The following ZNF521 variants were observed in gnomAD, a reference collection of about 807,000 sequenced individuals.
The protein encoded by ZNF521 is LYST-interacting protein 3.
A neutral mutation model predicts 105.5 loss-of-function variants in ZNF521; 14 were observed. That is an observed-to-expected ratio of 0.13 (90% confidence interval 0.09 to 0.21). The LOEUF (loss-of-function observed/expected upper bound fraction) is 0.21. Among genes scored for constraint, ZNF521 ranks in the 10% least tolerant of loss-of-function variants. The pLI, the probability that ZNF521 is intolerant of heterozygous loss-of-function variation, is 1.00. For synonymous variants in ZNF521, 635 were observed against 606.0 expected, an observed-to-expected ratio of 1.05 and a Z score of -0.70; for missense variants, 1,233 against 1,629.7, an observed-to-expected ratio of 0.76 and a Z score of 4.19.
intron 2 of ZNF521, among the ~76,000 whole-genome samples, chr18:25,331,151 T>C (rs1029915509): frequency 3.9e-5 from 6 of 152,204 alleles, no homozygotes; most frequent in Non-Finnish European, 8.8e-5. Flanking sequence ...TCTAACTTCC[T>C]GCAAAAAGAA....
intron 5 of ZNF521, among the ~76,000 whole-genome samples, chr18:25,140,661 G>A (rs1217067078): frequency 6.6e-6 from 1 of 152,176 alleles, no homozygotes; most frequent in African/African-American, 2.4e-5. Flanking sequence ...GAGACAGAGG[G>A]GAGAAGGCCA....
chr18:25,243,869 G>C (rs1464950373), intron 3 of ZNF521, among the ~76,000 whole-genome samples: 9 of 152,150 alleles, frequency 5.9e-5, no homozygotes, highest in East Asian at 1.9e-4. Flanking sequence ...ATGTTTTTTG[G>C]GGGGAGGGGT....
intron 3 of ZNF521, among the ~76,000 whole-genome samples, chr18:25,234,409 C>G (rs1351554481): frequency 6.6e-6 from 1 of 152,118 alleles, no homozygotes. Context: ...GACCTCATAC[C>G]ACAAAGAATT....
intron 5 of ZNF521, among the ~76,000 whole-genome samples, chr18:25,194,929 T>C (rs1378633438): frequency 6.6e-6 from 1 of 151,684 alleles, no homozygotes; most frequent in Non-Finnish European, 1.5e-5. Flanking sequence ...CACCTGTGTT[T>C]TGACTGGCAG....
intron 5 of ZNF521, among the ~76,000 whole-genome samples, chr18:25,155,556 T>C (rs977166593): frequency 6.6e-6 from 1 of 152,162 alleles, no homozygotes; most frequent in African/African-American, 2.4e-5. Context: ...TTTTAGGTCT[T>C]ACATTTAGGT....
At chr18:25,155,863 T>G (rs2035133833) in intron 5 of ZNF521, among the ~76,000 whole-genome samples, 1 of 152,158 alleles carries the variant, frequency 6.6e-6, no homozygotes, top group East Asian at 1.9e-4. Flanking sequence ...TTGTGCTAAA[T>G]GAAATAAGCC....
chr18:25,122,258 T>A (rs1242064051), intron 5 of ZNF521, among the ~76,000 whole-genome samples: 1 of 151,612 alleles, frequency 6.6e-6, no homozygotes, highest in Non-Finnish European at 1.5e-5. Context: ...AGAGACAAGG[T>A]AGTGAAAAAA....
At chr18:25,254,841 C>A (rs1228491494) in intron 3 of ZNF521, among the ~76,000 whole-genome samples, 1 of 152,020 alleles carries the variant, frequency 6.6e-6, no homozygotes. Flanking sequence ...CATACACAGA[C>A]CCTTGGACTT....
intron 5 of ZNF521, among the ~76,000 whole-genome samples, chr18:25,106,671 T>C (rs2034080010): frequency 6.6e-6 from 1 of 152,188 alleles, no homozygotes; most frequent in Admixed American, 6.5e-5. Flanking sequence ...AGCCTGCTTG[T>C]GTGTTGCTTA....
At chr18:25,324,326 C>T (rs1433265821) in intron 2 of ZNF521, among the ~76,000 whole-genome samples, 2 of 151,078 alleles carry the variant, frequency 1.3e-5, no homozygotes, top group African/African-American at 4.9e-5. Context: ...CTACATTTTC[C>T]AAAGCTGATA....
chr18:25,140,564 T>C (rs899228876), intron 5 of ZNF521, among the ~76,000 whole-genome samples: 3 of 152,170 alleles, frequency 2.0e-5, no homozygotes, highest in African/African-American at 4.8e-5. Flanking sequence ...AGTCAGCATA[T>C]CCTCCATAGC....
chr18:25,268,308 T>C (rs1296861239), intron 3 of ZNF521, among the ~76,000 whole-genome samples: 1 of 152,262 alleles, frequency 6.6e-6, no homozygotes, highest in East Asian at 1.9e-4. Flanking sequence ...TTATGTTTGA[T>C]TGCTGTACCT....
intron 2 of ZNF521, among the ~76,000 whole-genome samples, chr18:25,339,469 A>G (rs749820056): frequency 1.1e-4 from 16 of 152,216 alleles, no homozygotes; most frequent in Non-Finnish European, 2.1e-4. Context: ...GTCCCTTCAC[A>G]GGAATGGAAA....
chr18:25,271,982 C>A, intron 3 of ZNF521, among the ~76,000 whole-genome samples: 1 of 152,094 alleles, frequency 6.6e-6, no homozygotes, highest in East Asian at 1.9e-4. Context: ...AGGCAACCTA[C>A]AGAATGGGAG....
At chr18:25,349,761 C>G (rs912196771) in intron 2 of ZNF521, among the ~76,000 whole-genome samples, 1 of 150,702 alleles carries the variant, frequency 6.6e-6, no homozygotes, top group Non-Finnish European at 1.5e-5. Flanking sequence ...GGGGCCGGGC[C>G]GCGCGGACCT....
chr18:25,120,673 CAT>C (rs2034422531), intron 5 of ZNF521, among the ~76,000 whole-genome samples: 1 of 151,090 alleles, frequency 6.6e-6, no homozygotes, highest in Non-Finnish European at 1.5e-5. Context: ...CAGTCAGCCA[CAT>C]GAGTATACTA....
chr18:25,349,814 T>A (rs1208000593), intron 2 of ZNF521, among the ~76,000 whole-genome samples: 1 of 150,020 alleles, frequency 6.7e-6, no homozygotes, highest in Non-Finnish European at 1.5e-5. Context: ...CAGCCGCCCT[T>A]TGTCCTCCGC....
chr18:25,069,363 G>A (rs947415149), intron 7 of ZNF521, among the ~76,000 whole-genome samples: 12 of 152,120 alleles, frequency 7.9e-5, no homozygotes, highest in Non-Finnish European at 1.3e-4. Context: ...AGGTTAACAG[G>A]ATGTGAATGT....
chr18:25,180,914 G>T (rs1354271874), intron 5 of ZNF521, among the ~76,000 whole-genome samples: 6 of 152,172 alleles, frequency 3.9e-5, no homozygotes, highest in South Asian at 4.1e-4. Flanking sequence ...TACAGTATCT[G>T]CCCTGAATTC....
Sources: allele counts gnomAD v4.1 joint callset (sites outside exome capture counted in the v4.1 genomes callset), GRCh38; gene constraint gnomAD v4.1.1; transcripts MANE v1.5; gene names NCBI Gene and HGNC (gene_info 2026-07-23, HGNC 2026-07-21).